The following HDAC9 variants were observed in gnomAD, a reference collection of about 807,000 sequenced individuals.
HDAC9 encodes histone deacetylase 9.
In HDAC9, 41 loss-of-function variants were observed where a neutral mutation model predicts 139.4. The ratio of observed to expected loss-of-function variants is 0.29; its 90% CI spans 0.23 to 0.38. The LOEUF (loss-of-function observed/expected upper bound fraction) is 0.38. Ranked by LOEUF, HDAC9 falls within the 10% of genes least tolerant of loss-of-function variation. The pLI, the probability that HDAC9 is intolerant of heterozygous loss-of-function variation, is 1.00. For missense variants in HDAC9, 1,147 were observed against 1,297.0 expected (o/e 0.88, Z 1.78); for synonymous variants, 517 against 476.2 (o/e 1.09, Z -1.12).
At position 18,996,734 on chromosome 7, in the gene HDAC9, C is replaced by T. The variant is rs2129355254; in HGVS notation, c.*672C>T. ...ACCTCACACACTGTTTGTAATGGTG[C>T]AATATTTTATATCACTTTTTTTTAA... On this transcript the variant is annotated 3_prime_UTR_variant, in exon 26 of 26. Transcript: ENST00000686413. The T allele has an allele frequency of 6.6e-6, 1 of 152,200 alleles. No individual in the cohort carries two copies. Among genetic ancestry groups the T allele is most frequent in the East Asian group, 1.9e-4 (1 of 5,176 alleles). The allele number at this position is 152,200 out of a possible 1,614,324, so 9.4% of individuals were successfully genotyped here. A position where few individuals can be genotyped will look rare whatever the true frequency, so the allele number is the denominator to read the frequency against.
chr7:18,709,079 T>C (rs1224085255), intron 12 of HDAC9, among the ~76,000 whole-genome samples: 1 of 152,100 alleles, frequency 6.6e-6, no homozygotes, highest in Non-Finnish European at 1.5e-5. Flanking sequence ...TTTCTTTTTT[T>C]TTTTCTTTTT....
chr7:18,145,655 A>G (rs932983695), intron 1 of HDAC9, among the ~76,000 whole-genome samples: 1 of 152,200 alleles, frequency 6.6e-6, no homozygotes, highest in Non-Finnish European at 1.5e-5. Context: ...AGCAAACCAA[A>G]AAATAGAAGT....
chr7:18,615,469 C>A (rs1208662026), intron 6 of HDAC9, among the ~76,000 whole-genome samples: 1 of 152,068 alleles, frequency 6.6e-6, no homozygotes, highest in Non-Finnish European at 1.5e-5. Context: ...ATTAAATAAT[C>A]CTTAATTTAT....
chr7:18,785,598 G>A (rs1791645798), intron 16 of HDAC9, among the ~76,000 whole-genome samples: 1 of 151,984 alleles, frequency 6.6e-6, no homozygotes, highest in African/African-American at 2.4e-5. Flanking sequence ...CTTTTAACAG[G>A]GTAGGGTTTC....
At chr7:18,955,475 C>CT (rs1783085999) in intron 24 of HDAC9, among the ~76,000 whole-genome samples, 1 of 152,090 alleles carries the variant, frequency 6.6e-6, no homozygotes, top group African/African-American at 2.4e-5. Flanking sequence ...ATATTATTAT[C>CT]TTTTTCTGAG....
chr7:18,807,419 A>G (rs767509772), intron 17 of HDAC9, among the ~76,000 whole-genome samples: 2 of 151,664 alleles, frequency 1.3e-5, no homozygotes, highest in Non-Finnish European at 2.9e-5. Context: ...CTAATTTTTA[A>G]TGTTTTTATT....
At chr7:18,287,600 T>C (rs542843547), upstream of HDAC9, among the ~76,000 whole-genome samples, 1 of 152,366 alleles carries the variant, frequency 6.6e-6, no homozygotes, top group African/African-American at 2.4e-5. Context: ...AGAATCCTGG[T>C]TGGCCACAGT....
At chr7:18,969,231 G>A (rs1445297034) in intron 24 of HDAC9, among the ~76,000 whole-genome samples, 1 of 152,080 alleles carries the variant, frequency 6.6e-6, no homozygotes, top group Non-Finnish European at 1.5e-5. Context: ...ACAGAACTGG[G>A]AATAGTTTGC....
chr7:18,867,469 A>T (rs757159994), intron 21 of HDAC9, among the ~76,000 whole-genome samples: 1 of 152,238 alleles, frequency 6.6e-6, no homozygotes, highest in Non-Finnish European at 1.5e-5. Context: ...TTTAAGTCAC[A>T]TACTTAAATA....
At chr7:18,817,995 A>G (rs1794697682) in intron 17 of HDAC9, among the ~76,000 whole-genome samples, 1 of 152,232 alleles carries the variant, frequency 6.6e-6, no homozygotes, top group Non-Finnish European at 1.5e-5. Flanking sequence ...TAATGCATCG[A>G]TATGAATTTG....
At chr7:18,897,087 A>G (rs1801268571) in intron 22 of HDAC9, among the ~76,000 whole-genome samples, 1 of 152,048 alleles carries the variant, frequency 6.6e-6, no homozygotes, top group African/African-American at 2.4e-5. Context: ...ACCACAACCT[A>G]TATCTTCCTT....
At chr7:18,663,654 A>G (rs1392135482) in intron 11 of HDAC9, among the ~76,000 whole-genome samples, 2 of 152,046 alleles carry the variant, frequency 1.3e-5, no homozygotes, top group Non-Finnish European at 2.9e-5. Context: ...CCTTAGTGTC[A>G]TTGGTCCACT....
intron 1 of HDAC9, among the ~76,000 whole-genome samples, chr7:18,293,562 C>A (rs996004663): frequency 9.9e-5 from 15 of 152,116 alleles, no homozygotes; most frequent in African/African-American, 2.7e-4. Flanking sequence ...CCACTGCAAA[C>A]CATCTTCCAG....
chr7:18,402,693 A>G (rs1198936668), intron 1 of HDAC9, among the ~76,000 whole-genome samples: 1 of 152,178 alleles, frequency 6.6e-6, no homozygotes, highest in Non-Finnish European at 1.5e-5. Flanking sequence ...TAATGAACAT[A>G]GAGGTGAGAG....
At chr7:18,766,429 A>G (rs899140674) in intron 15 of HDAC9, among the ~76,000 whole-genome samples, 1 of 152,216 alleles carries the variant, frequency 6.6e-6, no homozygotes, top group Admixed American at 6.5e-5. Context: ...AGTTTTGGGA[A>G]TATATTTTTA....
intron 1 of HDAC9, among the ~76,000 whole-genome samples, chr7:18,480,847 C>T (rs1586195252): frequency 6.6e-6 from 1 of 152,230 alleles, no homozygotes; most frequent in East Asian, 1.9e-4. Context: ...AACTGGGCTG[C>T]TACATTGCCA....
intron 25 of HDAC9, among the ~76,000 whole-genome samples, chr7:18,990,918 G>A (rs995900599): frequency 5.3e-5 from 8 of 152,206 alleles, no homozygotes; most frequent in South Asian, 2.1e-4. Context: ...CATGGAGCGC[G>A]CACCCACTGA....
In HDAC9 at chr7:18,926,796, A is replaced by G. The variant is rs538133264; in HGVS notation, c.2804-9013A>G. 1.3e-4 allele frequency among the ~76,000 whole-genome samples: 20 copies of G among 152,290 alleles called. No individual in the cohort carries two copies. The South Asian group carries it at 3.7e-3, about 28-fold the overall frequency. On this transcript the variant is annotated intron_variant, in intron 22 of 25. Coordinates refer to ENST00000686413, the MANE Select transcript of HDAC9 (RefSeq NM_178425.4). ...TCAGACTTTTTTTAGGATACAATTT[A>G]TTCATTTGCTTTCAAAAGGTGCTGA...
At chr7:18,622,173 C>A (rs1386729394) in intron 6 of HDAC9, among the ~76,000 whole-genome samples, 1 of 152,084 alleles carries the variant, frequency 6.6e-6, no homozygotes, top group African/African-American at 2.4e-5. Context: ...TGACAGATAT[C>A]CAGTACTGCA....
Sources: allele counts gnomAD v4.1 joint callset (sites outside exome capture counted in the v4.1 genomes callset), GRCh38; gene constraint gnomAD v4.1.1; transcripts MANE v1.5; gene names NCBI Gene and HGNC (gene_info 2026-07-23, HGNC 2026-07-21).